The following MYOM2 variants were observed in gnomAD, a reference collection of about 807,000 sequenced individuals.
MYOM2 encodes myomesin 2.
In MYOM2, 254 loss-of-function variants were observed where a neutral mutation model predicts 187.6. The observed-to-expected ratio is 1.35, with a 90% CI of 1.22 to 1.50. The LOEUF is 1.50. Ranked by LOEUF, MYOM2 falls within the 40% of genes most tolerant of loss-of-function variation. The pLI is 0.00. For missense variants in MYOM2, 2,796 were observed against 1,924.0 expected (o/e 1.45, Z -8.48); for synonymous variants, 981 against 753.8 (o/e 1.30, Z -4.94).
In MYOM2 at chr8:2,085,587, G is replaced by T. The variant is rs1461049037; in HGVS notation, c.1644+197G>T. Among the ~76,000 whole-genome samples the T allele has an allele frequency of 7.4e-4, 10 of 13,578 alleles. 4 individuals are homozygous for T. Among genetic ancestry groups the T allele is most frequent in the African/African-American group, 3.8e-3 (4 of 1,064 alleles). 8.9% of individuals were successfully genotyped at this position (13,578 alleles called of 152,430 possible). On this transcript the variant is annotated intron_variant, in intron 14 of 36. Coordinates refer to ENST00000262113, the MANE Select transcript of MYOM2 (RefSeq NM_003970.4). ...GCGTGGCCCCACTGTTGTGATCTCT[G>T]CGTGGCCCCACTGTCGTGATCTCTG...
chr8:2,123,446 T>A, intron 29 of MYOM2, 81 bp downstream of exon 29: 2 of 1,472,596 alleles, frequency 1.4e-6, no homozygotes, highest in Non-Finnish European at 1.9e-6. Flanking sequence ...ATCCTCTAAT[T>A]TGCATCCTGA....
intron 32 of MYOM2, among the ~76,000 whole-genome samples, chr8:2,132,936 G>C (rs977166731): frequency 2.6e-5 from 4 of 152,154 alleles, no homozygotes; most frequent in African/African-American, 7.2e-5. Context: ...AGGGTGGGAG[G>C]GGCAGTGGCT....
chr8:2,086,164 GTGATCTCTGCGTGGCCCCACTGTCA>G (rs1313667214), intron 14 of MYOM2, among the ~76,000 whole-genome samples: 263 of 13,298 alleles, frequency 0.02, 82 homozygotes, highest in Non-Finnish European at 0.025. Context: ...CCCCACTGTT[GTGATCTCTGCGTGGCCCCACTGTCA>G]TGATCTCTGC....
intron 28 of MYOM2, 32 bp from the exon 29 acceptor site, chr8:2,123,220 T>C: frequency 4.3e-6 from 6 of 1,393,624 alleles, no homozygotes; most frequent in Non-Finnish European, 5.0e-6. Context: ...CAGAATGATT[T>C]ACACACTAAA....
Position 2,116,094 on chromosome 8 carries a change from T to C in MYOM2, c.3315T>C (p.Leu1105=), listed in dbSNP as rs1797233302. The C allele has an allele frequency of 6.2e-7, 1 of 1,609,212 alleles. No homozygotes were observed. Among genetic ancestry groups the C allele is most frequent in the Non-Finnish European group, 8.5e-7 (1 of 1,179,394 alleles). Residue 1105 remains leucine, a synonymous_variant, in exon 26 of 37, where the codon CTT becomes CTC. Transcript: ENST00000262113. ...CCAAAAGTCAGTCTTCTCTAGTTCT[T>C]ATTGGAGATGGTATGCTATATCGAA... ...GKAKSQSSLV[L]IGDAFKTVLE...
In MYOM2 at chr8:2,096,192, G is replaced by A. The variant is rs201307581; in HGVS notation, c.2126-55G>A. On this transcript the variant is annotated intron_variant, in intron 17 of 36. Transcript: ENST00000262113. ...GCCACACTGGAGCTGGCTGCCCCGG[G>A]GACAAAGCCCCCAGCTGAGGCCCTC... is the stretch of plus-strand genomic sequence containing the variant. 5.6e-5 allele frequency: 88 copies of A among 1,562,366 alleles called. 2 individuals carry two copies. In the South Asian group the frequency reaches 8.2e-4, roughly 15 times the overall value.
Position 2,109,550 on chromosome 8 carries a change from G to A in MYOM2, c.3180+19G>A, listed in dbSNP as rs765703235. ...CAGCGAGGTGAGTTCCTGTGTGAGT[G>A]ATCTCTGGCTTTGCAGGGAGTCCAC... On this transcript the variant is annotated intron_variant, in intron 25 of 36. Coordinates refer to ENST00000262113, the MANE Select transcript of MYOM2 (RefSeq NM_003970.4). The A allele has an allele frequency of 1.4e-5, 22 of 1,594,930 alleles. No homozygotes were observed. In the South Asian group the frequency reaches 2.0e-4, roughly 15 times the overall value.
rs747311897 is a variant in MYOM2 at position 2,089,998 on chromosome 8, CT to C, written c.1645-9del. ...TTCACTGCCAGTCTCGTTTCTGTTT[CT>C]CTTTGTAGTCCGTGGTGGGGAGCGG... is the stretch of plus-strand genomic sequence containing the variant. On this transcript the variant is annotated splice_polypyrimidine_tract_variant and intron_variant, in intron 14 of 36. Coordinates refer to ENST00000262113, the MANE Select transcript of MYOM2 (RefSeq NM_003970.4). 1 of 1,613,050 alleles carries C rather than the reference CT, an allele frequency of 6.2e-7. No homozygotes were observed. The highest frequency in any genetic ancestry group is 1.3e-5 in the African/African-American group (1 of 75,002).
chr8:2,057,945 C>T (rs533456068), intron 5 of MYOM2, among the ~76,000 whole-genome samples, 165 bp downstream of exon 5: 1 of 147,358 alleles, frequency 6.8e-6, no homozygotes, highest in South Asian at 2.2e-4. Context: ...CACTTTAACT[C>T]ATATGCAAAC....
At chr8:2,138,069 C>G (rs1798142922) in intron 32 of MYOM2, among the ~76,000 whole-genome samples, 1 of 152,198 alleles carries the variant, frequency 6.6e-6, no homozygotes, top group South Asian at 2.1e-4. Flanking sequence ...ATGAGTAGGT[C>G]TGAGTGCTGC....
chr8:2,118,883 A>T (rs1024834432), intron 28 of MYOM2: 9 of 151,604 alleles, frequency 5.9e-5, no homozygotes, highest in African/African-American at 2.2e-4. Flanking sequence ...TAACTCCAGC[A>T]GGGCAGTTTC....
chr8:2,064,667 T>C (rs1164536572), intron 6 of MYOM2, among the ~76,000 whole-genome samples: 3 of 152,190 alleles, frequency 2.0e-5, no homozygotes, highest in Non-Finnish European at 4.4e-5. Context: ...TCCCCTGGGA[T>C]CTTAATGCCT....
chr8:2,070,164 T>C (rs1311605666), intron 8 of MYOM2, among the ~76,000 whole-genome samples: 2 of 152,230 alleles, frequency 1.3e-5, no homozygotes, highest in African/African-American at 2.4e-5. Flanking sequence ...GGGGACATGA[T>C]GGATGCCCTT....
At chr8:2,104,994 T>C (rs1362005457) in intron 21 of MYOM2, among the ~76,000 whole-genome samples, 2 of 152,192 alleles carry the variant, frequency 1.3e-5, no homozygotes, top group African/African-American at 4.8e-5. Context: ...CCCAGGCTGG[T>C]CTTGAACTCC....
At chr8:2,081,076 T>G (rs1453082653) in intron 13 of MYOM2, among the ~76,000 whole-genome samples, 4 of 123,430 alleles carry the variant, frequency 3.2e-5, no homozygotes, top group Admixed American at 2.6e-4. Context: ...GGTTCTGATC[T>G]GCGGGAGGAA....
intron 13 of MYOM2, among the ~76,000 whole-genome samples, chr8:2,084,405 C>G (rs1382779520): frequency 1.3e-5 from 2 of 152,172 alleles, no homozygotes; most frequent in African/African-American, 2.4e-5. Flanking sequence ...CCTGAGGGAG[C>G]AACTGGGTTT....
intron 4 of MYOM2, 60 bp downstream of exon 4, chr8:2,057,546 T>G: frequency 6.2e-7 from 1 of 1,613,016 alleles, no homozygotes; most frequent in Non-Finnish European, 8.5e-7. Context: ...TTAGCTTGTC[T>G]GCATGGTGCT....
In MYOM2 at chr8:2,100,941, C is replaced by G; in HGVS notation, c.2506C>G (p.Pro836Ala). Residue 836 changes from proline (P) to alanine (A), a missense_variant, in exon 20 of 37, where the codon CCT (proline) becomes GCT (alanine). Coordinates refer to ENST00000262113, the MANE Select transcript of MYOM2 (RefSeq NM_003970.4). Reference protein sequence around the residue: ...DTSLVMLWKAPVYSGSSPVSG... With the variant: ...DTSLVMLWKAAVYSGSSPVSG... ...GTCCTTGGTCATGCTGTGGAAGGCC[C>G]CTGTGTACTCCGGCAGCAGCCCTGT... is the stretch of plus-strand genomic sequence containing the variant. 1 of 1,614,160 alleles carries G rather than the reference C, an allele frequency of 6.2e-7. No homozygotes were observed. Among genetic ancestry groups the G allele is most frequent in the African/African-American group, 1.3e-5 (1 of 75,050 alleles).
chr8:2,073,212 C>T lies in MYOM2; in HGVS notation c.959-127C>T, dbSNP rs1421122093. On this transcript the variant is annotated intron_variant, in intron 9 of 36. Coordinates refer to ENST00000262113, the MANE Select transcript of MYOM2 (RefSeq NM_003970.4). ...CTGTTGGGATTTTACCAGGCTGAGG[C>T]TCTGCCTTCCGTGGTGTCCAGCTCG... 1.3e-5 allele frequency: 13 copies of T among 1,021,602 alleles called. No homozygotes were observed. In the Middle Eastern group the frequency reaches 2.1e-3, roughly 167 times the overall value. 63.3% of individuals were successfully genotyped at this position (1,021,602 alleles called of 1,614,324 possible).
Sources: allele counts gnomAD v4.1 joint callset (sites outside exome capture counted in the v4.1 genomes callset), GRCh38; gene constraint gnomAD v4.1.1; transcripts MANE v1.5; gene names NCBI Gene and HGNC (gene_info 2026-07-23, HGNC 2026-07-21).